The following HNF4A variants were observed in gnomAD, a reference collection of about 807,000 sequenced individuals.
HNF4A encodes hepatocyte nuclear factor 4-alpha.
In HNF4A, 15 loss-of-function variants were observed where a neutral mutation model predicts 52.4. The observed-to-expected ratio is 0.29, with a 90% CI of 0.19 to 0.44. HNF4A has a LOEUF of 0.44. Among genes scored for constraint, HNF4A ranks in the 20% least tolerant of loss-of-function variants. HNF4A has a pLI of 1.00. For missense variants in HNF4A, 479 were observed against 647.2 expected (o/e 0.74, Z 2.82); for synonymous variants, 280 against 264.4 (o/e 1.06, Z -0.57).
chr20:44,420,113 C>G (rs2063723941), intron 7 of HNF4A, among the ~76,000 whole-genome samples: 1 of 152,022 alleles, frequency 6.6e-6, no homozygotes, highest in Non-Finnish European at 1.5e-5. Flanking sequence ...GGGCGGATCA[C>G]CTGAGGTCAG....
At chr20:44,397,580 T>C (rs2063364824), upstream of HNF4A, among the ~76,000 whole-genome samples, 1 of 152,138 alleles carries the variant, frequency 6.6e-6, no homozygotes, top group South Asian at 2.1e-4. Context: ...TCTATCTCAC[T>C]TATTTTTGTA....
At chr20:44,419,682 A>G in intron 6 of HNF4A, 39 bp from the exon 7 acceptor site, 2 of 1,608,230 alleles carry the variant, frequency 1.2e-6, no homozygotes, top group East Asian at 2.2e-5. Flanking sequence ...GGTCAACCCA[A>G]GGTGACTTCC....
intron 3 of HNF4A, among the ~76,000 whole-genome samples, chr20:44,412,896 G>A (rs967717248): frequency 2.6e-5 from 4 of 152,172 alleles, no homozygotes; most frequent in Non-Finnish European, 4.4e-5. Flanking sequence ...ATTGCCACCG[G>A]CACACAGAGT....
At position 44,406,225 on chromosome 20, in the gene HNF4A, T is replaced by C. The variant is rs2063498216; in HGVS notation, c.283T>C (p.Ser95Pro). Residue 95 changes from serine to proline, a missense_variant, in exon 2 of 10, where the codon TCC becomes CCC. By Grantham distance (74) the Ser-to-Pro change is moderately conservative. Transcript: ENST00000316099. The stretch of plus-strand genomic sequence containing the variant: ...GAGCGTGCGGAAGAACCACATGTAC[T>C]CCTGCAGGTGAGGAGCCTCAATTTC... 1 of 1,613,172 alleles carries C rather than the reference T, an allele frequency of 6.2e-7. No homozygotes were observed.
At chr20:44,401,860 C>T (rs988993631) in intron 1 of HNF4A, among the ~76,000 whole-genome samples, 1 of 152,136 alleles carries the variant, frequency 6.6e-6, no homozygotes, top group African/African-American at 2.4e-5. Context: ...CCTTCGTGAA[C>T]CCCTTGGGCC....
At chr20:44,428,712 G>A (rs1275230442) in intron 9 of HNF4A, among the ~76,000 whole-genome samples, 1 of 152,200 alleles carries the variant, frequency 6.6e-6, no homozygotes, top group Non-Finnish European at 1.5e-5. Flanking sequence ...GCAATCCACT[G>A]GATGAGGTAA....
At chr20:44,406,325 G>A (rs1355430024) in intron 2 of HNF4A, 93 bp downstream of exon 2, 1 of 1,152,682 alleles carries the variant, frequency 8.7e-7, no homozygotes, top group East Asian at 2.5e-5. Flanking sequence ...AGGTCCCAGA[G>A]ACAGCTGCCC....
At chr20:44,421,105 T>A (rs2063738122) in intron 7 of HNF4A, among the ~76,000 whole-genome samples, 1 of 152,176 alleles carries the variant, frequency 6.6e-6, no homozygotes. Context: ...TATATTTTTA[T>A]TGCTATTTTT....
rs188048205 is a variant in HNF4A, at chr20:44,371,875, G to T, written c.49+16022G>T. The stretch of plus-strand genomic sequence containing the variant: ...TTCACCTCCTTTAAAAAAAGTGAAG[G>T]TCTAGCAACACTGATACCTATGAGA... On this transcript the variant is annotated intron_variant, in intron 1 of 9. Coordinates refer to the HNF4A transcript ENST00000316673. Among the ~76,000 whole-genome samples the T allele has an allele frequency of 3.3e-5, 5 of 152,184 alleles. No individual in the cohort carries two copies. In the East Asian group the frequency reaches 9.7e-4, roughly 29 times the overall value.
At chr20:44,396,130 G>A (rs996178968) in intron 1 of HNF4A, among the ~76,000 whole-genome samples, 1 of 152,190 alleles carries the variant, frequency 6.6e-6, no homozygotes, top group Non-Finnish European at 1.5e-5. Flanking sequence ...AAGCCCTCAA[G>A]CTCTGGAGGC....
upstream of HNF4A, among the ~76,000 whole-genome samples, chr20:44,400,870 G>T (rs1021075785): frequency 3.9e-5 from 6 of 152,084 alleles, no homozygotes; most frequent in African/African-American, 1.4e-4. Context: ...AGCATTGAGG[G>T]TAGAAGTCAA....
intron 7 of HNF4A, 125 bp downstream of exon 7, chr20:44,420,001 C>T: frequency 9.9e-7 from 1 of 1,013,632 alleles, no homozygotes; most frequent in South Asian, 1.3e-5. Flanking sequence ...CCAGGAGAGG[C>T]CGTTTTCATT....
upstream of HNF4A, among the ~76,000 whole-genome samples, chr20:44,397,280 C>T (rs1019477285): frequency 4.5e-4 from 69 of 152,092 alleles, no homozygotes; most frequent in African/African-American, 1.6e-3. Context: ...CACTGGAGGG[C>T]GTTATGAAGT....
intron 1 of HNF4A, among the ~76,000 whole-genome samples, chr20:44,366,079 CA>C (rs2062967345): frequency 1.3e-5 from 2 of 151,824 alleles, no homozygotes; most frequent in Admixed American, 1.3e-4. Context: ...GTATAACATT[CA>C]AAACAGAAAA....
intron 1 of HNF4A, among the ~76,000 whole-genome samples, chr20:44,375,971 G>T (rs1282136726): frequency 6.6e-6 from 1 of 152,320 alleles, no homozygotes; most frequent in African/African-American, 2.4e-5. Flanking sequence ...CTAGGGCCGG[G>T]CATGGTGGCT....
intron 3 of HNF4A, among the ~76,000 whole-genome samples, chr20:44,411,118 C>T (rs2063575099): frequency 6.6e-6 from 1 of 152,128 alleles, no homozygotes; most frequent in Non-Finnish European, 1.5e-5. Context: ...ATATTCGGCT[C>T]CTGGCATCAA....
intron 1 of HNF4A, among the ~76,000 whole-genome samples, chr20:44,370,159 C>T (rs2063018356): frequency 6.6e-6 from 1 of 152,226 alleles, no homozygotes; most frequent in Non-Finnish European, 1.5e-5. Context: ...CCCCAAGTAG[C>T]TGGGACTACA....
chr20:44,406,158 C>T lies in HNF4A; in HGVS notation c.216C>T (p.Tyr72=), dbSNP rs993173795. 1.2e-5 allele frequency: 19 copies of T among 1,613,838 alleles called. 1 individual carries two copies. Among genetic ancestry groups the T allele is most frequent in the South Asian group, 4.4e-5 (4 of 91,080 alleles). ...GGGACCGGGCCACGGGCAAACACTA[C>T]GGTGCCTCGAGCTGTGACGGCTGCA... The change falls in exon 2 of 10, where the codon TAC becomes TAT. Residue 72 remains tyrosine (Y), a synonymous_variant. Coordinates refer to ENST00000316099, the MANE Select transcript of HNF4A (RefSeq NM_000457.6).
rs1259110384 is a variant in HNF4A at position 44,419,764 on chromosome 20, G to A, written c.780G>A (p.Glu260=). ...CTCGGCACTGCCCGGAGCTGGCGGA[G>A]ATGAGCCGGGTGTCCATACGCATCC... The change falls in exon 7 of 10, where the codon GAG becomes GAA. Residue 260 remains glutamate, a synonymous_variant. Transcript: ENST00000316099. 1 of 1,614,150 alleles carries A rather than the reference G, an allele frequency of 6.2e-7. No individual in the cohort carries two copies. Among genetic ancestry groups the A allele is most frequent in the Non-Finnish European group, 8.5e-7 (1 of 1,180,016 alleles).
Sources: allele counts gnomAD v4.1 joint callset (sites outside exome capture counted in the v4.1 genomes callset), GRCh38; gene constraint gnomAD v4.1.1; transcripts MANE v1.5; gene names NCBI Gene and HGNC (gene_info 2026-07-23, HGNC 2026-07-21).